SLTM: variants seen among roughly 807,000 people sequenced by gnomAD.
The protein encoded by SLTM is SAFB-like transcription modulator.
Under a neutral mutation model 134.6 loss-of-function variants are expected in SLTM, and 43 were observed. That is an observed-to-expected ratio of 0.32 (90% CI 0.25 to 0.41). The LOEUF is 0.41. Among genes scored for constraint, SLTM ranks in the 10% least tolerant of loss-of-function variants. SLTM has a pLI of 1.00. For synonymous variants in SLTM, 424 were observed against 432.3 expected (o/e 0.98, Z 0.24); for missense variants, 1,055 against 1,288.8 (o/e 0.82, Z 2.78).
intron 19 of SLTM, among the ~76,000 whole-genome samples, chr15:58,886,411 C>G (rs547289431): frequency 6.6e-6 from 1 of 151,732 alleles, no homozygotes; most frequent in African/African-American, 2.4e-5. Flanking sequence ...GGATTACAGG[C>G]GCCCACCACC....
chr15:58,888,367 A>C lies in SLTM; in HGVS notation c.2375+18T>G, dbSNP rs1471384535. On this transcript the variant is annotated intron_variant, in intron 17 of 20. Transcript: ENST00000380516. ...GCAAGGCTCATAAAATAAATATAACAATTTTCAACATATCTACCTTTCAAA... is the reference window on the plus strand; with the variant it reads ...GCAAGGCTCATAAAATAAATATAACCATTTTCAACATATCTACCTTTCAAA... 6.4e-7 allele frequency: 1 copy of C among 1,566,322 alleles called. No individual in the cohort carries two copies. The highest frequency in any genetic ancestry group is 8.6e-7 in the Non-Finnish European group (1 of 1,160,000).
chr15:58,883,503 A>G, intron 20 of SLTM, 123 bp downstream of exon 20: 1 of 1,268,674 alleles, frequency 7.9e-7, no homozygotes, highest in Non-Finnish European at 1.1e-6. Context: ...GATACAGGGA[A>G]ATGTTCAGGC....
At chr15:58,895,520 T>C (rs1377841282) in intron 9 of SLTM, among the ~76,000 whole-genome samples, 1 of 152,084 alleles carries the variant, frequency 6.6e-6, no homozygotes, top group African/African-American at 2.4e-5. Flanking sequence ...GACATAAAGC[T>C]GGGAAGAAGT....
intron 2 of SLTM, among the ~76,000 whole-genome samples, chr15:58,921,046 C>T (rs1343970100): frequency 1.3e-5 from 2 of 152,178 alleles, no homozygotes; most frequent in East Asian, 1.9e-4. Flanking sequence ...AGTATGCACA[C>T]TCTGTGTCGA....
chr15:58,886,608 G>A (rs182960326), intron 19 of SLTM, among the ~76,000 whole-genome samples: 4 of 152,100 alleles, frequency 2.6e-5, no homozygotes, highest in Admixed American at 6.6e-5. Context: ...GGAAACACAA[G>A]TAGGGGCCAA....
intron 15 of SLTM, among the ~76,000 whole-genome samples, chr15:58,889,786 G>A (rs2270664): frequency 0.62 from 94,841 of 151,990 alleles, 31,589 homozygotes; most frequent in Middle Eastern, 0.78. Flanking sequence ...TATTTGGGAA[G>A]GTCAAGTTTA....
At chr15:58,889,685 T>TA (rs2034510581) in intron 15 of SLTM, 131 bp from the exon 16 acceptor site, 4 of 1,041,412 alleles carry the variant, frequency 3.8e-6, no homozygotes, top group Non-Finnish European at 5.5e-6. Context: ...CACAAACCTA[T>TA]GACACCTAAA....
intron 3 of SLTM, among the ~76,000 whole-genome samples, chr15:58,915,401 G>A (rs1264780413): frequency 1.3e-5 from 2 of 152,086 alleles, no homozygotes; most frequent in Non-Finnish European, 2.9e-5. Context: ...CTGAAGAGCT[G>A]AAAGAAACAA....
chr15:58,885,613 G>A (rs868217645), intron 19 of SLTM, among the ~76,000 whole-genome samples: 3 of 151,944 alleles, frequency 2.0e-5, no homozygotes, highest in Non-Finnish European at 2.9e-5. Context: ...GTGAAACCCC[G>A]CCTCTACTAA....
chr15:58,893,184 G>A, intron 13 of SLTM, 95 bp downstream of exon 13: 1 of 1,403,810 alleles, frequency 7.1e-7, no homozygotes, highest in Non-Finnish European at 9.8e-7. Context: ...GGGTTTGCTA[G>A]CATGCAAGTA....
chr15:58,907,759 A>C (rs1426037918), intron 5 of SLTM, among the ~76,000 whole-genome samples: 1 of 152,240 alleles, frequency 6.6e-6, no homozygotes, highest in African/African-American at 2.4e-5. Context: ...CATATACTAC[A>C]TCAGAATCTA....
At chr15:58,886,218 A>AGTGTGTGTGTGTGTGT in intron 19 of SLTM, among the ~76,000 whole-genome samples, 1 of 124,474 alleles carries the variant, frequency 8.0e-6, no homozygotes, top group Non-Finnish European at 1.7e-5. Context: ...GAAAAAGAAG[A>AGTGTGTGTGTGTGTGT]GTGTGTGTGT....
At chr15:58,905,741 TG>T (rs2035827730) in intron 5 of SLTM, among the ~76,000 whole-genome samples, 1 of 151,614 alleles carries the variant, frequency 6.6e-6, no homozygotes, top group Non-Finnish European at 1.5e-5. Flanking sequence ...AATACTATGA[TG>T]TAAAAAAAAA....
chr15:58,885,596 C>A (rs1240518012), intron 19 of SLTM, among the ~76,000 whole-genome samples: 1 of 152,044 alleles, frequency 6.6e-6, no homozygotes, highest in African/African-American at 2.4e-5. Flanking sequence ...CCAGCCTGAC[C>A]AACATGGTGA....
At chr15:58,931,527 T>G (rs561141046) in intron 2 of SLTM, among the ~76,000 whole-genome samples, 1 of 152,336 alleles carries the variant, frequency 6.6e-6, no homozygotes, top group Non-Finnish European at 1.5e-5. Flanking sequence ...TGACAAACTC[T>G]GCATGAAAAT....
intron 2 of SLTM, among the ~76,000 whole-genome samples, chr15:58,928,164 G>A (rs1330243150): frequency 6.6e-6 from 1 of 152,164 alleles, no homozygotes. Context: ...TCTAAATACT[G>A]TACTGATTAA....
In SLTM at chr15:58,896,332, G is replaced by A. The variant is rs141766053; in HGVS notation, c.1227+783C>T. ...CCAGCACTTTGGGAGGCTGAGACTG[G>A]TGGATCACCTGAAGCCAGGAGTTTG... On this transcript the variant is annotated intron_variant, in intron 9 of 20. Transcript: ENST00000380516. Among the ~76,000 whole-genome samples, 28 of 152,242 alleles carry A rather than the reference G, an allele frequency of 1.8e-4. No individual in the cohort carries two copies. In the East Asian group the frequency reaches 5.0e-3, roughly 27 times the overall value.
chr15:58,887,029 G>A lies in SLTM; in HGVS notation c.2781C>T (p.Tyr927=), dbSNP rs374203413. The change falls in exon 19 of 21, where the codon TAC becomes TAT. Residue 927 remains tyrosine, a synonymous_variant. Coordinates refer to ENST00000380516, the MANE Select transcript of SLTM (RefSeq NM_024755.4). ...PPGNRSSASG[Y]GSREGDRGVI... Reference sequence around the variant, plus strand: ...CTCCTCTGTCTCCCTCTCTGCTCCCGTACCCCGAAGCGCTGCTACGATTCC... The same window carrying A: ...CTCCTCTGTCTCCCTCTCTGCTCCCATACCCCGAAGCGCTGCTACGATTCC... 6.8e-6 allele frequency: 11 copies of A among 1,613,100 alleles called. No individual in the cohort carries two copies. In the African/African-American group the frequency reaches 1.2e-4, roughly 18 times the overall value.
chr15:58,889,205 C>G, intron 16 of SLTM: 1 of 443,948 alleles, frequency 2.3e-6, no homozygotes, highest in East Asian at 4.0e-5. Context: ...TATTTCCAGT[C>G]ATAATGAAAA....
Sources: allele counts gnomAD v4.1 joint callset (sites outside exome capture counted in the v4.1 genomes callset), GRCh38; gene constraint gnomAD v4.1.1; transcripts MANE v1.5; gene names NCBI Gene and HGNC (gene_info 2026-07-23, HGNC 2026-07-21).